The following PRDM10 variants were observed in gnomAD, a reference collection of about 807,000 sequenced individuals.
PRDM10 encodes the protein PR/SET domain 10.
Under a neutral mutation model 133.1 loss-of-function variants are expected in PRDM10, and 65 were observed. The ratio of observed to expected loss-of-function variants is 0.49; its 90% CI spans 0.40 to 0.60. The LOEUF (loss-of-function observed/expected upper bound fraction) is 0.60, where lower values mean the gene tolerates loss of function less well. PRDM10 is among the 20% of genes least tolerant of loss of function. The pLI is 0.00. For missense variants in PRDM10, 1,137 were observed against 1,507.1 expected (o/e 0.75, Z 4.07); for synonymous variants, 582 against 580.4 (o/e 1.00, Z -0.04).
In PRDM10 at chr11:129,945,240, C is replaced by T. The variant is rs1205413616; in HGVS notation, c.521-228G>A. Among the ~76,000 whole-genome samples the T allele has an allele frequency of 1.3e-5, 2 of 152,192 alleles. No homozygotes were observed. Among genetic ancestry groups the T allele is most frequent in the African/African-American group, 2.4e-5 (1 of 41,450 alleles). The stretch of plus-strand genomic sequence containing the variant: ...AGAATTTGCTTATGCCTGCCAAAAA[C>T]AACTAGCAGGCCATGACTGACTTCT... On this transcript the variant is annotated intron_variant, in intron 5 of 20. Coordinates refer to ENST00000360871, the MANE Select transcript of PRDM10 (RefSeq NM_199437.2). This position sits in a 1 kb window ranked among gnomAD's most constrained non-coding sequence, Gnocchi z 4.2.
chr11:129,995,297 C>T (rs542093978), intron 1 of PRDM10, among the ~76,000 whole-genome samples: 8 of 152,276 alleles, frequency 5.3e-5, no homozygotes, highest in Admixed American at 5.2e-4. Flanking sequence ...GCTGAGGATA[C>T]AGACCCTTTT....
chr11:129,906,965 G>A (rs542818724), intron 19 of PRDM10, among the ~76,000 whole-genome samples: 11 of 146,960 alleles, frequency 7.5e-5, no homozygotes, highest in Admixed American at 5.5e-4. Flanking sequence ...GTGACAAAGC[G>A]AGACTCCATT....
At chr11:129,989,449 T>C (rs543666796) in intron 1 of PRDM10, among the ~76,000 whole-genome samples, 1 of 152,320 alleles carries the variant, frequency 6.6e-6, no homozygotes, top group African/African-American at 2.4e-5. Context: ...ACAGATACAA[T>C]GTAAAACCCT....
chr11:129,912,271 G>T, intron 17 of PRDM10, 46 bp from the exon 18 acceptor site: 1 of 1,410,896 alleles, frequency 7.1e-7, no homozygotes, highest in South Asian at 1.4e-5. Flanking sequence ...TATATTGATT[G>T]AAGTTAAGGG....
chr11:129,916,142 A>G lies in PRDM10; in HGVS notation c.2326-282T>C, dbSNP rs188146130. 1.5e-3 allele frequency among the ~76,000 whole-genome samples: 236 copies of G among 152,312 alleles called. 3 individuals are homozygous for G. The highest frequency in any genetic ancestry group is 5.4e-3 in the African/African-American group (226 of 41,578). On this transcript the variant is annotated intron_variant, in intron 15 of 20. Transcript: ENST00000360871. ...CTTTATCCTAAAGTTTAAAATTTGG[A>G]TATGATACACAGACAGAGGAAGATA...
At chr11:129,933,293 G>A (rs1390684145) in intron 9 of PRDM10, among the ~76,000 whole-genome samples, 1 of 152,124 alleles carries the variant, frequency 6.6e-6, no homozygotes, top group Non-Finnish European at 1.5e-5. Flanking sequence ...AGACTAGCAC[G>A]ATGAGCCCAA....
rs1003097880 is a variant in PRDM10 at position 129,912,018 on chromosome 11, C to T, written c.2982+67G>A. Reference sequence around the variant, plus strand: ...ACTAGGTCTGAAGAGAATGTCTTCCCTCTCATTAACTCTGATAATCCCTGA... The same window carrying T: ...ACTAGGTCTGAAGAGAATGTCTTCCTTCTCATTAACTCTGATAATCCCTGA... On this transcript the variant is annotated intron_variant, in intron 18 of 20. Transcript: ENST00000360871. 3 of 1,450,896 alleles carry T rather than the reference C, an allele frequency of 2.1e-6. No individual in the cohort carries two copies. In the African/African-American group the frequency reaches 4.3e-5, roughly 21 times the overall value. The allele number at this position is 1,450,896 out of a possible 1,614,324, so 89.9% of individuals were successfully genotyped here. A position where few individuals can be genotyped will look rare whatever the true frequency, so the allele number is the denominator to read the frequency against.
rs1937621062 is a variant in PRDM10, at chr11:129,973,600, A to T, written c.-118-12518T>A. 2.0e-5 allele frequency among the ~76,000 whole-genome samples: 3 copies of T among 152,386 alleles called. 1 individual carries two copies. The South Asian group carries it at 6.2e-4, about 32-fold the overall frequency. ...TTGAAATAAATTACGCTGAAATAAA[A>T]TAAAAATTTAAGCAACCATCTGTTA... is the stretch of plus-strand genomic sequence containing the variant. On this transcript the variant is annotated intron_variant, in intron 1 of 20. Transcript: ENST00000360871.
At chr11:130,001,146 G>A (rs775936177) in intron 1 of PRDM10, among the ~76,000 whole-genome samples, 2 of 151,966 alleles carry the variant, frequency 1.3e-5, no homozygotes, top group Non-Finnish European at 2.9e-5. Flanking sequence ...ACCCCATATT[G>A]AATAAACACT....
At chr11:129,905,556 A>G in intron 20 of PRDM10, 82 bp downstream of exon 20, 1 of 1,039,054 alleles carries the variant, frequency 9.6e-7, no homozygotes, top group Non-Finnish European at 1.5e-6. Context: ...TAAGCCAATC[A>G]TTACGAGATA....
Position 129,902,329 on chromosome 11 carries a change from T to C in PRDM10, c.3455A>G (p.His1152Arg), listed in dbSNP as rs567584353. Residue 1152 changes from histidine (H) to arginine (R), a missense_variant, in exon 21 of 21, where the codon CAT (histidine) becomes CGT (arginine). By Grantham distance (29) the His-to-Arg change is conservative. This residue lies in a region of PRDM10 where 243 missense variants were observed against 259.2 expected (regional missense o/e 0.94). Transcript: ENST00000360871. ...TTNGNGSSEV[H>R]ITKP ...GGGTGGAAGTCATGGTTTGGTGATATGCACTTCGCTGCTTCCGTTCCCGTT... is the reference window on the plus strand; with the variant it reads ...GGGTGGAAGTCATGGTTTGGTGATACGCACTTCGCTGCTTCCGTTCCCGTT... The C allele has an allele frequency of 2.1e-4, 342 of 1,614,102 alleles. 6 individuals are homozygous for C. The South Asian group carries it at 3.4e-3, about 16-fold the overall frequency.
intron 4 of PRDM10, among the ~76,000 whole-genome samples, chr11:129,954,743 G>C (rs767801823): frequency 4.6e-5 from 7 of 152,294 alleles, no homozygotes; most frequent in South Asian, 4.1e-4. Context: ...TGCAATCAAA[G>C]CTCACTGCAG....
At chr11:129,909,513 T>C (rs1008189905) in intron 19 of PRDM10, among the ~76,000 whole-genome samples, 2 of 151,012 alleles carry the variant, frequency 1.3e-5, no homozygotes, top group South Asian at 2.1e-4. Context: ...CCTGACTCCA[T>C]AGCAAATCTA....
intron 11 of PRDM10, among the ~76,000 whole-genome samples, chr11:129,927,838 T>G (rs1005826093): frequency 6.6e-6 from 1 of 152,180 alleles, no homozygotes; most frequent in African/African-American, 2.4e-5. Context: ...TAAGGTGTCT[T>G]CTGTAGCTCA....
intron 20 of PRDM10, 34 bp downstream of exon 20, chr11:129,905,604 G>T: frequency 6.5e-7 from 1 of 1,527,860 alleles, no homozygotes; most frequent in Non-Finnish European, 9.1e-7. Context: ...CCACAGGTTG[G>T]ACAGGAAAAA....
intron 1 of PRDM10, among the ~76,000 whole-genome samples, chr11:129,997,982 C>T (rs1939149890): frequency 1.3e-5 from 2 of 149,690 alleles, no homozygotes; most frequent in East Asian, 3.9e-4. Context: ...TGGGAACACC[C>T]TACCCCTAGC....
At chr11:129,903,398 A>G (rs1426265635) in intron 20 of PRDM10, among the ~76,000 whole-genome samples, 1 of 151,810 alleles carries the variant, frequency 6.6e-6, no homozygotes, top group African/African-American at 2.4e-5. Flanking sequence ...GCGACCATCA[A>G]ATAGACATTT....
chr11:129,937,495 C>G, intron 8 of PRDM10, 103 bp downstream of exon 8: 1 of 989,568 alleles, frequency 1.0e-6, no homozygotes, highest in Non-Finnish European at 1.4e-6. Context: ...GGAATAACTT[C>G]TGAAATATAC....
chr11:129,912,752 G>GA (rs879486759), intron 17 of PRDM10, among the ~76,000 whole-genome samples: 4,705 of 96,400 alleles, frequency 0.049, 97 homozygotes, highest in African/African-American at 0.067. Flanking sequence ...ACTCCATCTC[G>GA]AAAAAAAAAA....
Sources: allele counts gnomAD v4.1 joint callset (sites outside exome capture counted in the v4.1 genomes callset), GRCh38; gene constraint gnomAD v4.1.1; regional missense constraint gnomAD v4.1.1; non-coding constraint Gnocchi (gnomAD v3.1); transcripts MANE v1.5; gene names NCBI Gene and HGNC (gene_info 2026-07-23, HGNC 2026-07-21).